The following CLCF1 variants were observed in gnomAD, a reference collection of about 807,000 sequenced individuals.
CLCF1 encodes cardiotrophin-like cytokine factor 1.
In CLCF1, 10 loss-of-function variants were observed where a neutral mutation model predicts 21.2. That is an observed-to-expected ratio of 0.47 (90% CI 0.29 to 0.80). CLCF1 has a LOEUF of 0.80. CLCF1 is among the 30% of genes least tolerant of loss of function. The pLI is 0.09. For missense variants in CLCF1, 240 were observed against 293.4 expected (o/e 0.82, Z 1.33); for synonymous variants, 115 against 120.5 (o/e 0.95, Z 0.30).
rs181048336 is a variant in CLCF1, at chr11:67,371,400, A to G, written c.16+2124T>C. ...GCTCAATTCCTCCTAGAGGAAACACACGGGGCTTCATCTCTCCTCTCCTCT... is the reference window on the plus strand; with the variant it reads ...GCTCAATTCCTCCTAGAGGAAACACGCGGGGCTTCATCTCTCCTCTCCTCT... On this transcript the variant is annotated intron_variant, in intron 1 of 2. Transcript: ENST00000312438. Among the ~76,000 whole-genome samples, 8 of 152,330 alleles carry G rather than the reference A, an allele frequency of 5.3e-5. No individual in the cohort carries two copies. In the East Asian group the frequency reaches 1.5e-3, roughly 29 times the overall value.
At chr11:67,373,825 T>C (rs1176032712), upstream of CLCF1, 10 of 847,326 alleles carry the variant, frequency 1.2e-5, no homozygotes, top group Non-Finnish European at 1.4e-5. Context: ...GGGCTCCCTC[T>C]CCCTCCCACA....
chr11:67,373,954 C>A, upstream of CLCF1: 1 of 1,006,776 alleles, frequency 9.9e-7, no homozygotes, highest in Non-Finnish European at 1.2e-6. Context: ...GGGACAGCGC[C>A]GGCTTCGGGT....
At chr11:67,373,853 G>A (rs1369890219), upstream of CLCF1, 5 of 1,003,582 alleles carry the variant, frequency 5.0e-6, no homozygotes, top group Non-Finnish European at 3.8e-6. Flanking sequence ...GGGGGGGTGA[G>A]GTGAGGCGAG....
intron 1 of CLCF1, chr11:67,369,342 G>A (rs551669276): frequency 3.7e-5 from 36 of 980,476 alleles, no homozygotes; most frequent in Admixed American, 6.4e-5. Context: ...GTGTACACGC[G>A]TGTGTTTTAG....
intron 1 of CLCF1, chr11:67,368,503 G>C: frequency 1.0e-6 from 1 of 985,366 alleles, no homozygotes; most frequent in Non-Finnish European, 1.2e-6. Context: ...GTTGGGTGCT[G>C]TAAGGAGGGA....
At chr11:67,370,250 A>T in intron 1 of CLCF1, 1 of 985,314 alleles carries the variant, frequency 1.0e-6, no homozygotes, top group Non-Finnish European at 1.2e-6. Context: ...TGAGCTTGGG[A>T]ACCCAACACA....
At chr11:67,368,086 G>A in intron 1 of CLCF1, 1 of 985,402 alleles carries the variant, frequency 1.0e-6, no homozygotes, top group Non-Finnish European at 1.2e-6. Flanking sequence ...GTCAGAGCTG[G>A]CAGGCTGAGC....
chr11:67,373,530 G>C lies in CLCF1; in HGVS notation c.10C>G (p.Arg4Gly). 7.0e-7 allele frequency: 1 copy of C among 1,431,214 alleles called. No homozygotes were observed. Among genetic ancestry groups the C allele is most frequent in the Non-Finnish European group, 9.2e-7 (1 of 1,091,040 alleles). The allele number at this position is 1,431,214 out of a possible 1,614,324, so 88.7% of individuals were successfully genotyped here. A position where few individuals can be genotyped will look rare whatever the true frequency, so the allele number is the denominator to read the frequency against. The part of the protein sequence containing the change: MDL[R>G]AGDSWGMLAC... ...TCGGCCGCCTGGCTCCTACCTGCTC[G>C]GAGGTCCATGGGGCTGGGGCCGGGC... Residue 4 changes from arginine (R) to glycine (G), a missense_variant, in exon 1 of 3, where the codon CGA becomes GGA. Physicochemically the swap from Arg to Gly is moderately radical, Grantham distance 125. Transcript: ENST00000312438.
chr11:67,370,331 T>G (rs185299519), intron 1 of CLCF1: 25 of 985,290 alleles, frequency 2.5e-5, no homozygotes, highest in Middle Eastern at 5.2e-4. Flanking sequence ...CTCAGGCTCA[T>G]GTTGTGCAGG....
intron 1 of CLCF1, among the ~76,000 whole-genome samples, chr11:67,371,685 T>G: frequency 6.8e-6 from 1 of 146,652 alleles, no homozygotes; most frequent in African/African-American, 2.5e-5. Flanking sequence ...GGAGGAGCAG[T>G]GAAGGAGGAG....
chr11:67,370,407 C>A, intron 1 of CLCF1: 1 of 984,618 alleles, frequency 1.0e-6, no homozygotes, highest in African/African-American at 1.7e-5. Context: ...TCCTGGCCCC[C>A]AGCCCGGCCC....
chr11:67,369,053 G>A (rs967124864), intron 1 of CLCF1: 4 of 984,356 alleles, frequency 4.1e-6, no homozygotes, highest in African/African-American at 3.5e-5. Context: ...CTTTGCCCAT[G>A]GTTAGGATGG....
chr11:67,368,654 G>GGACT, intron 1 of CLCF1: 1 of 985,382 alleles, frequency 1.0e-6, no homozygotes, highest in Non-Finnish European at 1.2e-6. Context: ...TTAGGTTTAA[G>GGACT]GACTGGGTTA....
At chr11:67,371,430 C>G (rs575445026) in intron 1 of CLCF1, among the ~76,000 whole-genome samples, 1 of 152,362 alleles carries the variant, frequency 6.6e-6, no homozygotes, top group South Asian at 2.1e-4. Flanking sequence ...TCCTCTCCAG[C>G]ATCCCCCTTT....
intron 1 of CLCF1, chr11:67,368,526 G>C: frequency 1.9e-5 from 19 of 985,368 alleles, no homozygotes; most frequent in Non-Finnish European, 2.3e-5. Context: ...TGGGCAGTGG[G>C]GAAATATGCT....
chr11:67,373,498 CG>C (rs1291632257), intron 1 of CLCF1, 25 bp downstream of exon 1: 9 of 1,247,132 alleles, frequency 7.2e-6, no homozygotes, highest in Admixed American at 5.1e-5. Flanking sequence ...GGGCGGGGGT[CG>C]GGGCCTCGGC....
Position 67,372,479 on chromosome 11 carries a change from G to A in CLCF1, c.16+1045C>T, listed in dbSNP as rs2134901438. The stretch of plus-strand genomic sequence containing the variant: ...GGCTCGGCCGGGAAGCTGCACGGCG[G>A]CGGTTGCCAGCTGGCCCTCCCTGCT... On this transcript the variant is annotated intron_variant, in intron 1 of 2. Coordinates refer to ENST00000312438, the MANE Select transcript of CLCF1 (RefSeq NM_013246.3). The surrounding 1 kb of genome is among the most constrained non-coding windows in gnomAD (Gnocchi z 5.9). Among the ~76,000 whole-genome samples, 1 of 152,092 alleles carries A rather than the reference G, an allele frequency of 6.6e-6. No individual in the cohort carries two copies. Among genetic ancestry groups the A allele is most frequent in the South Asian group, 2.1e-4 (1 of 4,830 alleles).
rs1862056428 is a variant in CLCF1, at chr11:67,364,378, G to C, written c.*758C>G. ...AACTTTCAGGAAATCCTGTGGTGTG[G>C]CTATGGTTGCCCTCCCCAGCCTGGC... On this transcript the variant is annotated 3_prime_UTR_variant, in exon 3 of 3. Transcript: ENST00000312438. The C allele has an allele frequency of 6.6e-6, 1 of 152,586 alleles. No individual in the cohort carries two copies. The highest frequency in any genetic ancestry group is 6.5e-5 in the Admixed American group (1 of 15,268). The allele number at this position is 152,586 out of a possible 1,614,324, so 9.5% of individuals were successfully genotyped here. A position where few individuals can be genotyped will look rare whatever the true frequency, so the allele number is the denominator to read the frequency against.
rs1862058282 is a variant in CLCF1, at chr11:67,364,479, G to A, written c.*657C>T. On this transcript the variant is annotated 3_prime_UTR_variant, in exon 3 of 3. Transcript: ENST00000312438. ...GGAAGACAATTCGAGGCAAGGTCCT[G>A]ATGCTCAGCTCGGGTTTTGTTTGCC... is the stretch of plus-strand genomic sequence containing the variant. 6.5e-6 allele frequency: 1 copy of A among 152,780 alleles called. No homozygotes were observed. Among genetic ancestry groups the A allele is most frequent in the Non-Finnish European group, 1.5e-5 (1 of 68,168 alleles). 9.5% of individuals were successfully genotyped at this position (152,780 alleles called of 1,614,324 possible).
Sources: allele counts gnomAD v4.1 joint callset (sites outside exome capture counted in the v4.1 genomes callset), GRCh38; gene constraint gnomAD v4.1.1; non-coding constraint Gnocchi (gnomAD v3.1); transcripts MANE v1.5; gene names NCBI Gene and HGNC (gene_info 2026-07-23, HGNC 2026-07-21).